Variants in KIAA1217 observed in about 807,000 individuals in gnomAD.
KIAA1217 encodes sickle tail protein homolog.
A neutral mutation model predicts 163.9 loss-of-function variants in KIAA1217; 88 were observed. That is an observed-to-expected ratio of 0.54 (90% CI 0.45 to 0.64). The LOEUF is 0.64. Among genes scored for constraint, KIAA1217 ranks in the 30% least tolerant of loss-of-function variants. The pLI is 0.00. For synonymous variants in KIAA1217, 903 were observed against 923.1 expected, an observed-to-expected ratio of 0.98 and a Z score of 0.39; for missense variants, 2,372 against 2,475.0, an observed-to-expected ratio of 0.96 and a Z score of 0.88.
At chr10:23,760,461 T>TAAG (rs1834200826) in intron 1 of KIAA1217, among the ~76,000 whole-genome samples, 1 of 152,344 alleles carries the variant, frequency 6.6e-6, no homozygotes, top group South Asian at 2.1e-4. Flanking sequence ...ATAGAAAGTT[T>TAAG]CAGGAATAAG....
chr10:23,828,105 C>T (rs1028293786), intron 1 of KIAA1217, among the ~76,000 whole-genome samples: 1 of 152,152 alleles, frequency 6.6e-6, no homozygotes, highest in African/African-American at 2.4e-5. Context: ...TGCACAAAGA[C>T]GGTAATAAAC....
At chr10:24,194,800 C>T (rs2066907474) in intron 2 of KIAA1217, among the ~76,000 whole-genome samples, 1 of 125,746 alleles carries the variant, frequency 8.0e-6, no homozygotes, top group African/African-American at 3.0e-5. Context: ...AGAGAAGAGT[C>T]TCAGTATGTT....
chr10:23,974,910 C>T (rs1845478475), intron 1 of KIAA1217, among the ~76,000 whole-genome samples: 1 of 151,004 alleles, frequency 6.6e-6, no homozygotes, highest in Admixed American at 6.6e-5. Flanking sequence ...GGCATCTGCT[C>T]TTTGGCCATA....
intron 3 of KIAA1217, among the ~76,000 whole-genome samples, chr10:24,403,397 C>G (rs139871004): frequency 0.012 from 1,889 of 152,222 alleles, 50 homozygotes; most frequent in African/African-American, 0.043. Context: ...TGCCACCACA[C>G]CTTGCTAATT....
At chr10:24,026,091 GA>G (rs1847928743) in intron 2 of KIAA1217, among the ~76,000 whole-genome samples, 1 of 151,934 alleles carries the variant, frequency 6.6e-6, no homozygotes, top group East Asian at 1.9e-4. Context: ...TCAAATGTTA[GA>G]GCAACTTTAC....
intron 1 of KIAA1217, among the ~76,000 whole-genome samples, chr10:24,218,981 C>A (rs1354426896): frequency 6.6e-6 from 1 of 152,156 alleles, no homozygotes; most frequent in Non-Finnish European, 1.5e-5. Context: ...TACCAGAATG[C>A]AACTGTTATT....
chr10:23,856,996 G>A (rs566942253), intron 1 of KIAA1217, among the ~76,000 whole-genome samples: 141 of 152,284 alleles, frequency 9.3e-4, no homozygotes, highest in African/African-American at 3.1e-3. Flanking sequence ...GCTTTGGCTC[G>A]CACATGGTGC....
intron 2 of KIAA1217, among the ~76,000 whole-genome samples, chr10:24,168,332 G>A (rs1388592409): frequency 1.3e-5 from 2 of 152,164 alleles, no homozygotes; most frequent in South Asian, 2.1e-4. Flanking sequence ...GAAAAACTGA[G>A]GCTCCATGAA....
At position 24,276,268 on chromosome 10, in the gene KIAA1217, A is replaced by C. The variant is rs1427466954; in HGVS notation, c.354+56359A>C. On this transcript the variant is annotated intron_variant, in intron 2 of 20. Transcript: ENST00000376454. ...GCCATTGAACAGAACGCAGAAACACAAAGGGATTTATAAGGCATTTCAGTT... is the reference window on the plus strand; with the variant it reads ...GCCATTGAACAGAACGCAGAAACACCAAGGGATTTATAAGGCATTTCAGTT... 2.6e-5 allele frequency among the ~76,000 whole-genome samples: 4 copies of C among 152,330 alleles called. No homozygotes were observed. In the East Asian group the frequency reaches 7.7e-4, roughly 29 times the overall value.
rs544835034 is a variant in KIAA1217 at position 23,790,621 on chromosome 10, A to ATG, written c.-321+95388_-321+95389insGT. On this transcript the variant is annotated intron_variant, in intron 1 of 18. Transcript: ENST00000376462. ...CATGTACATATATACATATGTATAT[A>ATG]TACATATATATGTACATGTATACAT... 1.9e-4 allele frequency among the ~76,000 whole-genome samples: 25 copies of ATG among 129,854 alleles called. No individual in the cohort carries two copies. In the South Asian group the frequency reaches 6.0e-3, roughly 31 times the overall value. The allele number at this position is 129,854 out of a possible 152,430, so 85.2% of individuals were successfully genotyped here.
chr10:23,730,705 A>G (rs1838426496), intron 1 of KIAA1217, among the ~76,000 whole-genome samples: 1 of 152,122 alleles, frequency 6.6e-6, no homozygotes. Flanking sequence ...GATCTTGTAT[A>G]TATTTTGTTC....
At chr10:24,327,840 C>A (rs148526026) in intron 2 of KIAA1217, among the ~76,000 whole-genome samples, 1 of 152,278 alleles carries the variant, frequency 6.6e-6, no homozygotes, top group African/African-American at 2.4e-5. Flanking sequence ...TGACTGTGAT[C>A]ACAGCTAACA....
chr10:24,384,467 T>A (rs926065704), intron 3 of KIAA1217, among the ~76,000 whole-genome samples: 8 of 152,148 alleles, frequency 5.3e-5, no homozygotes, highest in African/African-American at 1.9e-4. Flanking sequence ...CACATTGATA[T>A]CACCCAGAGT....
intron 2 of KIAA1217, among the ~76,000 whole-genome samples, chr10:24,065,492 A>T (rs1354978770): frequency 6.6e-6 from 1 of 152,126 alleles, no homozygotes; most frequent in African/African-American, 2.4e-5. Flanking sequence ...GTTTGATTGC[A>T]CTGTGGTCTG....
chr10:23,783,266 A>G (rs1835340153), intron 1 of KIAA1217, among the ~76,000 whole-genome samples: 1 of 152,202 alleles, frequency 6.6e-6, no homozygotes, highest in Non-Finnish European at 1.5e-5. Flanking sequence ...ATTTAAAGCT[A>G]TCCTGGCCTG....
At chr10:24,194,462 C>T (rs779598085) in intron 2 of KIAA1217, among the ~76,000 whole-genome samples, 25 of 150,900 alleles carry the variant, frequency 1.7e-4, no homozygotes, top group Admixed American at 5.3e-4. Flanking sequence ...ACTGGGACTA[C>T]GGACACTTGC....
chr10:24,455,972 G>A (rs1476747070), intron 5 of KIAA1217, among the ~76,000 whole-genome samples: 2 of 152,014 alleles, frequency 1.3e-5, no homozygotes, highest in Non-Finnish European at 2.9e-5. Context: ...TGCAACCTCC[G>A]CCTCCCGGGC....
chr10:24,543,563 T>C lies in KIAA1217; in HGVS notation c.4293T>C (p.Asn1431=), dbSNP rs748373155. ...EMTPRQEGTD[N]EDPVVCLDKK... ...CCCCCCGACAAGAAGGGACTGACAA[T>C]GAGGATCCAGTCGTGTGCCTGGACA... Residue 1431 remains asparagine (N), a synonymous_variant, in exon 19 of 21, where the codon AAT becomes AAC. Coordinates refer to ENST00000376454, the MANE Select transcript of KIAA1217 (RefSeq NM_019590.5). The C allele has an allele frequency of 2.5e-6, 4 of 1,613,794 alleles. No individual in the cohort carries two copies. In the Admixed American group the frequency reaches 5.0e-5, roughly 20 times the overall value.
At chr10:24,314,607 G>A in intron 2 of KIAA1217, among the ~76,000 whole-genome samples, 1 of 152,178 alleles carries the variant, frequency 6.6e-6, no homozygotes, top group East Asian at 1.9e-4. Flanking sequence ...GTTGTTGATG[G>A]AGGTTCAGAT....
Sources: gnomAD v4.1 joint callset for allele counts (sites outside exome capture counted in the v4.1 genomes callset) on GRCh38, gnomAD v4.1.1 for gene constraint, MANE v1.5 for transcripts, NCBI Gene and HGNC (gene_info 2026-07-23, HGNC 2026-07-21) for gene names.